The following RNF128 variants were observed in gnomAD, a reference collection of about 807,000 sequenced individuals.
The protein encoded by RNF128 is ring finger protein 128.
In RNF128, 13 loss-of-function variants were observed where a neutral mutation model predicts 26.2. The observed-to-expected ratio is 0.50, with a 90% CI of 0.32 to 0.79. The LOEUF is 0.79. Ranked by LOEUF, RNF128 falls within the 30% of genes least tolerant of loss-of-function variation. The probability of loss-of-function intolerance (pLI) is 0.03; values close to 1 mark genes in which losing one functional copy is unlikely to be tolerated. For synonymous variants in RNF128, 149 were observed against 142.5 expected (o/e 1.05, Z -0.32); for missense variants, 315 against 349.7 (o/e 0.90, Z 0.79).
At chrX:106,716,584 T>C (rs1180163418) in intron 1 of RNF128, among the ~76,000 whole-genome samples, 1 of 110,965 alleles carries the variant, frequency 9.0e-6, no homozygotes, top group African/African-American at 3.3e-5. Flanking sequence ...TGAATTTTAC[T>C]CTATGTAAAT....
intron 1 of RNF128, among the ~76,000 whole-genome samples, chrX:106,764,337 C>T (rs1238896724): frequency 1.8e-5 from 2 of 110,714 alleles, no homozygotes; most frequent in African/African-American, 3.3e-5. Flanking sequence ...TGCCACCTAC[C>T]CCATATGTTC....
intron 1 of RNF128, among the ~76,000 whole-genome samples, chrX:106,754,541 T>C (rs1170302700): frequency 9.7e-6 from 1 of 103,625 alleles, no homozygotes; most frequent in East Asian, 3.1e-4. Context: ...ATTACAGGTG[T>C]GAGCCAGCAT....
At chrX:106,790,953 A>C in intron 5 of RNF128, 113 bp from the exon 6 acceptor site, 1 of 650,561 alleles carries the variant, frequency 1.5e-6, no homozygotes, top group Non-Finnish European at 2.4e-6. Flanking sequence ...CATAGGTTTA[A>C]AAGGTTAAGA....
intron 1 of RNF128, among the ~76,000 whole-genome samples, chrX:106,697,340 CTTT>C (rs1228614290): frequency 1.8e-5 from 2 of 111,484 alleles, no homozygotes; most frequent in African/African-American, 6.5e-5. Flanking sequence ...ATGGAGTGGT[CTTT>C]TTTGTTTGTT....
intron 1 of RNF128, among the ~76,000 whole-genome samples, chrX:106,721,106 G>A (rs1929303307): frequency 8.9e-6 from 1 of 112,206 alleles, no homozygotes; most frequent in Admixed American, 9.4e-5. Context: ...TTGGAAGTAT[G>A]CTGTTGGCAT....
intron 1 of RNF128, among the ~76,000 whole-genome samples, chrX:106,728,212 GT>G (rs1569437817): frequency 9.0e-6 from 1 of 111,259 alleles, no homozygotes; most frequent in Non-Finnish European, 1.9e-5. Flanking sequence ...TATGTATATA[GT>G]TATCCTAGAC....
At chrX:106,696,526 G>A (rs1010807417) in intron 1 of RNF128, among the ~76,000 whole-genome samples, 2 of 110,900 alleles carry the variant, frequency 1.8e-5, no homozygotes, top group African/African-American at 6.6e-5. Context: ...GTTTTGTTTT[G>A]TTTTGACACA....
rs778059271 is a variant in RNF128, at chrX:106,791,039, TTTTAA to T, written c.985-23_985-19del. On this transcript the variant is annotated intron_variant, in intron 5 of 6. Transcript: ENST00000255499. The stretch of plus-strand genomic sequence containing the variant: ...AGGAAAAGCGTGTACACTGAGAGGC[TTTTAA>T]TTTGTTACATGTTCTTTAAAGGTGG... The T allele has an allele frequency of 8.4e-6, 10 of 1,188,345 alleles. No individual in the cohort carries two copies. The African/African-American group carries it at 1.4e-4, about 17-fold the overall frequency.
chrX:106,772,692 C>A (rs993777176), intron 1 of RNF128, among the ~76,000 whole-genome samples: 10 of 110,788 alleles, frequency 9.0e-5, no homozygotes, highest in African/African-American at 3.3e-4. Context: ...ATAATAGCTT[C>A]CTTACTAAGT....
upstream of RNF128, among the ~76,000 whole-genome samples, chrX:106,721,786 T>G (rs953182515): frequency 9.0e-6 from 1 of 111,710 alleles, no homozygotes; most frequent in Non-Finnish European, 1.9e-5. Context: ...TACTTAAGAG[T>G]CAGAACGGCA....
chrX:106,753,541 A>T (rs1460854016), intron 1 of RNF128, among the ~76,000 whole-genome samples: 1 of 111,708 alleles, frequency 9.0e-6, no homozygotes, highest in Non-Finnish European at 1.9e-5. Context: ...ACAGAGAGGG[A>T]ACAAAGGAAG....
intron 1 of RNF128, among the ~76,000 whole-genome samples, chrX:106,706,751 A>T (rs1256932992): frequency 8.9e-6 from 1 of 112,599 alleles, no homozygotes; most frequent in African/African-American, 3.2e-5. Context: ...AAATAAGAGT[A>T]TGTGGTACTA....
chrX:106,713,480 T>C (rs1373872842), intron 1 of RNF128, among the ~76,000 whole-genome samples: 1 of 111,645 alleles, frequency 9.0e-6, no homozygotes, highest in Non-Finnish European at 1.9e-5. Flanking sequence ...CACTCCAGCC[T>C]GGGCAACAGA....
upstream of RNF128, among the ~76,000 whole-genome samples, chrX:106,726,098 T>C (rs1929387624): frequency 8.9e-6 from 1 of 112,283 alleles, no homozygotes. Context: ...AGTCATTCTT[T>C]TGTGAGGACT....
At chrX:106,715,322 G>A (rs964618194) in intron 1 of RNF128, among the ~76,000 whole-genome samples, 1 of 111,922 alleles carries the variant, frequency 8.9e-6, no homozygotes, top group Non-Finnish European at 1.9e-5. Flanking sequence ...ATCTTTTCGC[G>A]TGCTTATTTT....
chrX:106,752,167 A>C (rs1378940164), intron 1 of RNF128, among the ~76,000 whole-genome samples: 1 of 111,078 alleles, frequency 9.0e-6, no homozygotes, highest in African/African-American at 3.3e-5. Flanking sequence ...GCCTGGCTGG[A>C]TTCACCACCT....
At chrX:106,778,337 T>C (rs1930505432) in intron 2 of RNF128, among the ~76,000 whole-genome samples, 1 of 112,105 alleles carries the variant, frequency 8.9e-6, no homozygotes, top group African/African-American at 3.2e-5. Context: ...AAACAGTTAC[T>C]GTACTGAAAG....
chrX:106,705,789 A>G (rs1929033899), intron 1 of RNF128, among the ~76,000 whole-genome samples: 1 of 112,001 alleles, frequency 8.9e-6, no homozygotes, highest in Non-Finnish European at 1.9e-5. Flanking sequence ...GAAATGTAGT[A>G]CCATTTCAAC....
At chrX:106,788,358 T>A (rs1446361304) in intron 4 of RNF128, among the ~76,000 whole-genome samples, 3 of 45,481 alleles carry the variant, frequency 6.6e-5, no homozygotes, top group Non-Finnish European at 1.0e-4. Flanking sequence ...TATTATATAC[T>A]ATATATAATA....
Sources: allele counts gnomAD v4.1 joint callset (sites outside exome capture counted in the v4.1 genomes callset), GRCh38; gene constraint gnomAD v4.1.1; transcripts MANE v1.5; gene names NCBI Gene and HGNC (gene_info 2026-07-23, HGNC 2026-07-21).